Variants in ZYG11A observed in about 807,000 individuals in gnomAD.
ZYG11A encodes protein zyg-11 homolog A.
A neutral mutation model predicts 77.2 loss-of-function variants in ZYG11A; 62 were observed. The ratio of observed to expected loss-of-function variants is 0.80; its 90% CI spans 0.65 to 0.99. ZYG11A has a LOEUF of 0.99. Among genes scored for constraint, ZYG11A ranks in the 50% least tolerant of loss-of-function variants. The pLI is 0.00. For synonymous variants in ZYG11A, 315 were observed against 324.6 expected (o/e 0.97, Z 0.32); for missense variants, 828 against 896.8 (o/e 0.92, Z 0.98).
chr1:52,862,571 C>T (rs1036694648), intron 4 of ZYG11A, among the ~76,000 whole-genome samples: 1 of 152,032 alleles, frequency 6.6e-6, no homozygotes, highest in African/African-American at 2.4e-5. Flanking sequence ...ATTGGCCTCC[C>T]AAAGTGCTGG....
intron 1 of ZYG11A, among the ~76,000 whole-genome samples, chr1:52,854,094 T>C (rs1430786611): frequency 1.3e-5 from 2 of 151,974 alleles, no homozygotes; most frequent in African/African-American, 4.8e-5. Flanking sequence ...GGATTTATAC[T>C]GTATTAGTGT....
At position 52,857,310 on chromosome 1, in the gene ZYG11A, ATGTT is replaced by A; in HGVS notation, c.575_578del (p.Cys192PhefsTer18). ...GGTCTTCGCATTTTAAGTGTTTTTA[ATGTT>A]TGTTTTCATACTGAAGACCTGGCTA... is the stretch of plus-strand genomic sequence containing the variant. On this transcript the variant is annotated frameshift_variant, in exon 3 of 14. Coordinates refer to ENST00000371528, the MANE Select transcript of ZYG11A (RefSeq NM_001004339.3). LOFTEE classifies it high-confidence loss of function. 6.4e-7 allele frequency: 1 copy of A among 1,551,878 alleles called. No individual in the cohort carries two copies. The highest frequency in any genetic ancestry group is 1.2e-5 in the South Asian group (1 of 84,052).
At position 52,859,674 on chromosome 1, in the gene ZYG11A, T is replaced by A. The variant is rs1425955631; in HGVS notation, c.1009-1057T>A. Among the ~76,000 whole-genome samples, 84 of 107,178 alleles carry A rather than the reference T, an allele frequency of 7.8e-4. 4 individuals are homozygous for A. The highest frequency in any genetic ancestry group is 2.0e-3 in the Admixed American group (23 of 11,486). The allele number at this position is 107,178 out of a possible 152,430, so 70.3% of individuals were successfully genotyped here. ...TATCTGTTTGTGTATTGCCTTTTTTTTTTTTTTTTTTTTTTTTTTTTGAGA... is the reference window on the plus strand; with the variant it reads ...TATCTGTTTGTGTATTGCCTTTTTTATTTTTTTTTTTTTTTTTTTTTGAGA... On this transcript the variant is annotated intron_variant, in intron 3 of 13. Transcript: ENST00000371528.
chr1:52,891,054 A>T (rs1445821658), intron 13 of ZYG11A, among the ~76,000 whole-genome samples: 4 of 150,766 alleles, frequency 2.7e-5, no homozygotes, highest in Admixed American at 1.3e-4. Flanking sequence ...GCCCACCACT[A>T]TGCCCGTCTA....
Position 52,881,509 on chromosome 1 carries a change from G to A in ZYG11A, c.1788G>A (p.Leu596=), listed in dbSNP as rs1646361265. 1.3e-6 allele frequency: 2 copies of A among 1,551,366 alleles called. No homozygotes were observed. The highest frequency in any genetic ancestry group is 2.0e-5 in the Admixed American group (1 of 50,938). Residue 596 remains leucine (L), a synonymous_variant, in exon 11 of 14, where the codon CTG becomes CTA. Coordinates refer to ENST00000371528, the MANE Select transcript of ZYG11A (RefSeq NM_001004339.3). ...IAEVRELSSK[L]VTEDVLKHIN... ...AAGTCAGAGAGCTCTCTTCCAAGCT[G>A]GTGACCGAAGATGTGCTGAAGCATA... is the stretch of plus-strand genomic sequence containing the variant.
intron 1 of ZYG11A, among the ~76,000 whole-genome samples, chr1:52,843,225 C>T (rs1362594012): frequency 1.3e-5 from 2 of 152,116 alleles, no homozygotes; most frequent in South Asian, 2.1e-4. Flanking sequence ...AACTTGCGCC[C>T]TGAGGCAGCG....
intron 1 of ZYG11A, among the ~76,000 whole-genome samples, chr1:52,844,623 A>G (rs1391523286): frequency 6.6e-6 from 1 of 151,886 alleles, no homozygotes; most frequent in African/African-American, 2.4e-5. Context: ...TCTCTTAGCA[A>G]TGTTTTGTAG....
At chr1:52,871,100 A>G (rs1427503365) in intron 8 of ZYG11A, among the ~76,000 whole-genome samples, 3 of 152,164 alleles carry the variant, frequency 2.0e-5, no homozygotes, top group Middle Eastern at 3.4e-3. Context: ...CCTGCAAAGT[A>G]TTTCCCTCCA....
At chr1:52,878,016 C>T in intron 10 of ZYG11A, 47 bp downstream of exon 10, 1 of 1,481,568 alleles carries the variant, frequency 6.7e-7, no homozygotes, top group Non-Finnish European at 9.2e-7. Context: ...AAAAGCAAAA[C>T]CTAACACTTA....
At chr1:52,889,639 T>C (rs1370338739) in intron 13 of ZYG11A, among the ~76,000 whole-genome samples, 2 of 152,056 alleles carry the variant, frequency 1.3e-5, no homozygotes, top group African/African-American at 4.8e-5. Context: ...AGTTCTACCT[T>C]GTTTTCATAT....
At chr1:52,860,608 C>T in intron 3 of ZYG11A, 123 bp from the exon 4 acceptor site, 1 of 1,101,796 alleles carries the variant, frequency 9.1e-7, no homozygotes. Flanking sequence ...ACACCTGGAA[C>T]ATTTAATTGA....
chr1:52,863,908 A>T, intron 4 of ZYG11A, 73 bp from the exon 5 acceptor site: 1 of 1,365,388 alleles, frequency 7.3e-7, no homozygotes, highest in Non-Finnish European at 9.9e-7. Context: ...GATTTGTGCC[A>T]ATCAAAACAT....
chr1:52,859,399 G>A (rs1645880339), intron 3 of ZYG11A, among the ~76,000 whole-genome samples: 1 of 151,862 alleles, frequency 6.6e-6, no homozygotes, highest in Non-Finnish European at 1.5e-5. Context: ...GCAGTGACAC[G>A]ATCTCTGCTC....
chr1:52,877,116 CCTCCCCCT>C (rs1287870276), intron 8 of ZYG11A, among the ~76,000 whole-genome samples: 1 of 152,026 alleles, frequency 6.6e-6, no homozygotes, highest in African/African-American at 2.4e-5. Flanking sequence ...GCATGTGCTT[CCTCCCCCT>C]CTCCCCCCAG....
intron 8 of ZYG11A, among the ~76,000 whole-genome samples, chr1:52,870,203 C>T (rs1454755316): frequency 3.0e-5 from 2 of 65,574 alleles, no homozygotes; most frequent in East Asian, 2.1e-4. Flanking sequence ...CGGGAAGAGA[C>T]GCTCGTCACT....
chr1:52,886,892 T>C, intron 12 of ZYG11A, 64 bp from the exon 13 acceptor site: 1 of 712,530 alleles, frequency 1.4e-6, no homozygotes, highest in Non-Finnish European at 2.4e-6. Flanking sequence ...GTACAAATTA[T>C]TATATCCCTG....
chr1:52,851,781 T>C (rs903221870), intron 1 of ZYG11A, among the ~76,000 whole-genome samples: 1 of 151,928 alleles, frequency 6.6e-6, no homozygotes, highest in African/African-American at 2.4e-5. Flanking sequence ...ATAGTCTCAC[T>C]CTGTTGCCCA....
chr1:52,849,637 G>A (rs1571831985), intron 1 of ZYG11A, among the ~76,000 whole-genome samples: 2 of 150,396 alleles, frequency 1.3e-5, no homozygotes, highest in Admixed American at 1.3e-4. Context: ...AAGCGTGCTG[G>A]GATTACAGGC....
At chr1:52,846,281 T>C (rs187768614) in intron 1 of ZYG11A, among the ~76,000 whole-genome samples, 2 of 143,132 alleles carry the variant, frequency 1.4e-5, no homozygotes, top group East Asian at 4.8e-4. Context: ...AGTTTTTAGT[T>C]CTTTTGGAAA....
Sources: allele counts gnomAD v4.1 joint callset (sites outside exome capture counted in the v4.1 genomes callset), GRCh38; gene constraint gnomAD v4.1.1; transcripts MANE v1.5; gene names NCBI Gene and HGNC (gene_info 2026-07-23, HGNC 2026-07-21).